The following ZNF565 variants were observed in gnomAD, a reference collection of about 807,000 sequenced individuals.
ZNF565 encodes zinc finger protein 565.
In ZNF565, 27 loss-of-function variants were observed where a neutral mutation model predicts 39.4. The ratio of observed to expected loss-of-function variants is 0.69; its 90% CI spans 0.51 to 0.95. The LOEUF (loss-of-function observed/expected upper bound fraction) is 0.95, where lower values mean the gene tolerates loss of function less well. Among genes scored for constraint, ZNF565 ranks in the 40% least tolerant of loss-of-function variants. ZNF565 has a pLI of 0.00. For missense variants in ZNF565, 524 were observed against 621.1 expected (o/e 0.84, Z 1.66); for synonymous variants, 185 against 216.6 (o/e 0.85, Z 1.28).
intron 1 of ZNF565, among the ~76,000 whole-genome samples, chr19:36,204,359 G>A (rs1031738255): frequency 2.0e-5 from 3 of 152,232 alleles, no homozygotes. Context: ...GCAGAAAAGG[G>A]ACAGAGAATA....
chr19:36,210,266 C>CA (rs200288885), intron 1 of ZNF565, among the ~76,000 whole-genome samples: 1,850 of 150,752 alleles, frequency 0.012, 40 homozygotes, highest in African/African-American at 0.042. Context: ...ACTAAAAATA[C>CA]AAAAAAAATT....
chr19:36,182,460 G>A lies in ZNF565; in HGVS notation c.*6C>T, dbSNP rs1299529132. 3.9e-6 allele frequency: 6 copies of A among 1,546,098 alleles called. No individual in the cohort carries two copies. The highest frequency in any genetic ancestry group is 5.2e-6 in the Non-Finnish European group (6 of 1,148,160). The stretch of plus-strand genomic sequence containing the variant: ...GCTTATCTTTATCCCTTACACTCAA[G>A]GCTTTCTAACCAGTATGAATTCTGT... On this transcript the variant is annotated 3_prime_UTR_variant, in exon 5 of 5. Transcript: ENST00000304116.
chr19:36,183,340 T>C lies in ZNF565; in HGVS notation c.626A>G (p.His209Arg), dbSNP rs1222534233. Residue 209 changes from histidine to arginine, a missense_variant, in exon 5 of 5, where the codon CAC becomes CGC. By Grantham distance (29) the His-to-Arg change is conservative. Transcript: ENST00000304116. ...ECGKAFSRAS[H>R]LVQHQRIHTG... Reference sequence around the variant, plus strand: ...GTGAATTCTCTGATGCTGAACAAGGTGTGAGGCACGGCTGAAGGCCTTCCC... The same window carrying C: ...GTGAATTCTCTGATGCTGAACAAGGCGTGAGGCACGGCTGAAGGCCTTCCC... The C allele has an allele frequency of 1.2e-6, 2 of 1,614,072 alleles. No homozygotes were observed. Among genetic ancestry groups the C allele is most frequent in the African/African-American group, 2.7e-5 (2 of 74,934 alleles).
chr19:36,196,694 C>A (rs1269071792), intron 2 of ZNF565, among the ~76,000 whole-genome samples: 1 of 152,142 alleles, frequency 6.6e-6, no homozygotes, highest in Non-Finnish European at 1.5e-5. Context: ...TGAGTCCAGG[C>A]TGGGCGTGGT....
intron 4 of ZNF565, among the ~76,000 whole-genome samples, chr19:36,187,551 T>TG (rs952654954): frequency 6.0e-5 from 9 of 149,436 alleles, no homozygotes; most frequent in Non-Finnish European, 1.3e-4. Context: ...TTGGTAGAGA[T>TG]GGGGTTTCAC....
chr19:36,185,105 G>A (rs1272451229), intron 4 of ZNF565, among the ~76,000 whole-genome samples: 2 of 150,664 alleles, frequency 1.3e-5, no homozygotes, highest in African/African-American at 4.9e-5. Context: ...AAGACAGAGT[G>A]AGAGTCCATC....
upstream of ZNF565, among the ~76,000 whole-genome samples, chr19:36,217,165 C>T (rs549555589): frequency 1.4e-5 from 2 of 143,424 alleles, no homozygotes; most frequent in South Asian, 2.2e-4. Flanking sequence ...CAGGTTCAAG[C>T]GATTCTCTTG....
intron 1 of ZNF565, among the ~76,000 whole-genome samples, chr19:36,202,550 A>G (rs1976004482): frequency 6.6e-6 from 1 of 152,152 alleles, no homozygotes; most frequent in Non-Finnish European, 1.5e-5. Flanking sequence ...CAGCTGACAC[A>G]GTCCCCCATC....
chr19:36,210,538 CATAT>C (rs1976316017), intron 1 of ZNF565, among the ~76,000 whole-genome samples: 2 of 150,878 alleles, frequency 1.3e-5, no homozygotes, highest in African/African-American at 4.9e-5. Context: ...TATATACATA[CATAT>C]AAACACATTT....
Position 36,245,516 on chromosome 19 carries a change from G to C in ZNF565, c.15C>G (p.Pro5=). The C allele has an allele frequency of 1.4e-6, 1 of 702,324 alleles. No homozygotes were observed. The highest frequency in any genetic ancestry group is 1.5e-5 in the South Asian group (1 of 67,586). 43.5% of individuals were successfully genotyped at this position (702,324 alleles called of 1,614,324 possible). The change falls in exon 1 of 5, where the codon CCC becomes CCG. Residue 5 remains proline (P), a synonymous_variant. Transcript: ENST00000355114. The surrounding 1 kb of genome is among the most constrained non-coding windows in gnomAD (Gnocchi z 4.4). ...GACTTGCGAGGGACCACCTTTCCCA[G>C]GGTCCACGGCGCATTTAGGTGGTGG...
At chr19:36,240,565 A>G (rs1977780765) in intron 1 of ZNF565, among the ~76,000 whole-genome samples, 1 of 152,098 alleles carries the variant, frequency 6.6e-6, no homozygotes, top group Non-Finnish European at 1.5e-5. Context: ...AAAGGTTGAG[A>G]CCCTTAAAAT....
In ZNF565 at chr19:36,183,716, C is replaced by A; in HGVS notation, c.250G>T (p.Glu84Ter). The A allele has an allele frequency of 6.2e-7, 1 of 1,610,136 alleles. No individual in the cohort carries two copies. ...PWCPDLESRC[E>*]KFLQKDIFEI... The stretch of plus-strand genomic sequence containing the variant: ...AAAATGTCTTTTTGTAGAAATTTCT[C>A]ACACCTGGACTCCAAGTCTGAAAAA... Residue 84 changes from glutamate to a stop codon, truncating the protein, a stop_gained, in exon 5 of 5, where the codon GAG (glutamate) becomes TAG (stop). Coordinates refer to ENST00000304116, the MANE Select transcript of ZNF565 (RefSeq NM_152477.5). LOFTEE classifies it low-confidence loss of function (END_TRUNC).
intron 4 of ZNF565, 130 bp downstream of exon 4, chr19:36,194,103 G>T (rs1034720659): frequency 4.7e-6 from 3 of 639,594 alleles, no homozygotes; most frequent in Non-Finnish European, 7.7e-6. Flanking sequence ...GTCTTTACTC[G>T]CCACATCTTC....
intron 1 of ZNF565, among the ~76,000 whole-genome samples, chr19:36,225,627 A>ATT (rs924093366): frequency 2.2e-5 from 3 of 138,012 alleles, no homozygotes; most frequent in African/African-American, 8.1e-5. Flanking sequence ...GTTTTTTTGT[A>ATT]TTTTTTTTTA....
chr19:36,234,995 A>G lies in ZNF565; in HGVS notation c.55+10481T>C, dbSNP rs116372022. Among the ~76,000 whole-genome samples the G allele has an allele frequency of 5.1e-3, 773 of 151,996 alleles. 14 individuals carry two copies. The highest frequency in any genetic ancestry group is 0.018 in the African/African-American group (731 of 41,470). The stretch of plus-strand genomic sequence containing the variant: ...GTACCATTTTCTCCTTATAATTTTA[A>G]TGGGGTTTTGGGAGGAAGCACTTGT... On this transcript the variant is annotated intron_variant, in intron 1 of 4. Transcript: ENST00000355114.
intron 1 of ZNF565, among the ~76,000 whole-genome samples, chr19:36,226,996 T>A (rs1977095105): frequency 6.6e-6 from 1 of 151,686 alleles, no homozygotes; most frequent in African/African-American, 2.4e-5. Context: ...GACAGGAGAA[T>A]CACTTGGACC....
chr19:36,228,158 C>CAAA (rs71171422), intron 1 of ZNF565, among the ~76,000 whole-genome samples: 235 of 106,616 alleles, frequency 2.2e-3, no homozygotes, highest in Non-Finnish European at 3.5e-3. Flanking sequence ...GAAACTGTCT[C>CAAA]AAAAAAAAAA....
At chr19:36,213,846 CCTTTCCAGTCACAATAT>C (rs1453666665) in intron 1 of ZNF565, among the ~76,000 whole-genome samples, 4 of 151,938 alleles carry the variant, frequency 2.6e-5, no homozygotes. Context: ...CACCTCTATA[CCTTTCCAGTCACAATAT>C]CTTTCCAGTC....
intron 1 of ZNF565, among the ~76,000 whole-genome samples, chr19:36,209,501 A>G (rs1230573391): frequency 1.3e-5 from 2 of 150,866 alleles, no homozygotes. Context: ...TCTCAAAACA[A>G]AAACAAAAAC....
Sources: gnomAD v4.1 joint callset for allele counts (sites outside exome capture counted in the v4.1 genomes callset) on GRCh38, gnomAD v4.1.1 for gene constraint, Gnocchi (gnomAD v3.1) non-coding constraint, MANE v1.5 for transcripts, NCBI Gene and HGNC (gene_info 2026-07-23, HGNC 2026-07-21) for gene names.